PTPRT: variants seen among roughly 807,000 people sequenced by gnomAD.
PTPRT encodes protein tyrosine phosphatase receptor type T, also known as receptor-type tyrosine-protein phosphatase T.
A neutral mutation model predicts 176.8 loss-of-function variants in PTPRT; 56 were observed. That is an observed-to-expected ratio of 0.32 (90% CI 0.26 to 0.40). PTPRT has a LOEUF of 0.40. Ranked by LOEUF, PTPRT falls within the 10% of genes least tolerant of loss-of-function variation. PTPRT has a pLI of 1.00. For synonymous variants in PTPRT, 783 were observed against 739.0 expected, an observed-to-expected ratio of 1.06 and a Z score of -0.96; for missense variants, 1,540 against 1,908.2, an observed-to-expected ratio of 0.81 and a Z score of 3.60.
At chr20:42,628,656 C>T (rs779348293) in intron 7 of PTPRT, among the ~76,000 whole-genome samples, 5 of 152,018 alleles carry the variant, frequency 3.3e-5, no homozygotes, top group Non-Finnish European at 7.3e-5. Flanking sequence ...TTTAACAATA[C>T]CCTGGAAGTT....
Position 42,199,361 on chromosome 20 carries a change from G to A in PTPRT, c.2370C>T (p.Thr790=). ...YLKLAKKQKE[T]QSGAQREMGP... is the part of the protein sequence containing the mutation. ...CCATCTCCCTCTGGGCTCCACTCTG[G>A]GTCTCCTTCTGCTTCTTGGCCAGCT... Residue 790 remains threonine, a synonymous_variant, in exon 16 of 31, where the codon ACC becomes ACT. Coordinates refer to ENST00000373187, the MANE Select transcript of PTPRT (RefSeq NM_007050.6). 6.2e-7 allele frequency: 1 copy of A among 1,613,954 alleles called. No individual in the cohort carries two copies. Among genetic ancestry groups the A allele is most frequent in the East Asian group, 2.2e-5 (1 of 44,868 alleles).
intron 2 of PTPRT, among the ~76,000 whole-genome samples, chr20:42,869,202 A>T (rs552964970): frequency 6.6e-6 from 1 of 152,130 alleles, no homozygotes; most frequent in South Asian, 2.1e-4. Context: ...GAGAACCCCT[A>T]TTAGGGCAAT....
chr20:42,325,432 T>C (rs1243944817), intron 11 of PTPRT, among the ~76,000 whole-genome samples: 1 of 152,196 alleles, frequency 6.6e-6, no homozygotes, highest in Non-Finnish European at 1.5e-5. Flanking sequence ...AAAGGAATCA[T>C]GAAAATCCAG....
At chr20:43,144,526 T>C (rs2014110016) in intron 1 of PTPRT, among the ~76,000 whole-genome samples, 1 of 152,214 alleles carries the variant, frequency 6.6e-6, no homozygotes, top group Non-Finnish European at 1.5e-5. Flanking sequence ...TAACTAGTCT[T>C]ACTTCTACCA....
chr20:42,467,821 C>T (rs1013773724), intron 8 of PTPRT, among the ~76,000 whole-genome samples: 5 of 152,106 alleles, frequency 3.3e-5, no homozygotes, highest in Non-Finnish European at 7.4e-5. Context: ...ACTATTCTTT[C>T]GATTTTTCTA....
chr20:43,046,230 G>GACTAGAGCACCCAGACTAGA (rs1986832094), intron 1 of PTPRT, among the ~76,000 whole-genome samples: 1 of 152,114 alleles, frequency 6.6e-6, no homozygotes, highest in Non-Finnish European at 1.5e-5. Flanking sequence ...GAGGCACTCA[G>GACTAGAGCACCCAGACTAGA]GGACCCAGAC....
intron 1 of PTPRT, among the ~76,000 whole-genome samples, chr20:43,053,606 G>T (rs1323956388): frequency 6.6e-6 from 1 of 152,148 alleles, no homozygotes; most frequent in Non-Finnish European, 1.5e-5. Context: ...TCCTGCCTCT[G>T]TTTGTGCTCC....
chr20:42,343,688 G>C (rs553958472), intron 11 of PTPRT, among the ~76,000 whole-genome samples: 1 of 152,160 alleles, frequency 6.6e-6, no homozygotes, highest in Non-Finnish European at 1.5e-5. Flanking sequence ...AGGTAATGTT[G>C]TTTTGAAGAT....
chr20:43,045,315 G>A (rs1288825988), intron 1 of PTPRT, among the ~76,000 whole-genome samples: 1 of 152,142 alleles, frequency 6.6e-6, no homozygotes, highest in Non-Finnish European at 1.5e-5. Context: ...TACTGACACA[G>A]CCTCCATGGG....
intron 1 of PTPRT, among the ~76,000 whole-genome samples, chr20:42,920,586 G>A (rs1418787348): frequency 1.3e-5 from 2 of 151,218 alleles, no homozygotes; most frequent in African/African-American, 4.9e-5. Flanking sequence ...TTTCCAAGAG[G>A]AGAGGAAAAA....
intron 2 of PTPRT, among the ~76,000 whole-genome samples, chr20:42,847,162 A>G (rs536906673): frequency 6.6e-6 from 1 of 152,374 alleles, no homozygotes; most frequent in African/African-American, 2.4e-5. Flanking sequence ...ACAAAGGTAC[A>G]AAGCGGGCAA....
chr20:42,952,127 G>A (rs1981293244), intron 1 of PTPRT, among the ~76,000 whole-genome samples: 1 of 152,204 alleles, frequency 6.6e-6, no homozygotes, highest in African/African-American at 2.4e-5. Context: ...GCAGTGTCCA[G>A]CCTACTTCCT....
At chr20:42,388,632 G>A (rs1226216411) in intron 9 of PTPRT, among the ~76,000 whole-genome samples, 4 of 152,202 alleles carry the variant, frequency 2.6e-5, no homozygotes, top group African/African-American at 4.8e-5. Context: ...AACAACAGGT[G>A]CTGGAGAGGA....
intron 8 of PTPRT, among the ~76,000 whole-genome samples, chr20:42,452,720 A>G (rs2070853347): frequency 6.6e-6 from 1 of 152,212 alleles, no homozygotes; most frequent in South Asian, 2.1e-4. Flanking sequence ...GGTCTTTCCA[A>G]TCTGGGGAAA....
At chr20:42,999,924 G>A (rs777315831) in intron 1 of PTPRT, among the ~76,000 whole-genome samples, 7 of 151,886 alleles carry the variant, frequency 4.6e-5, no homozygotes, top group South Asian at 2.1e-4. Context: ...TGTGGGATGC[G>A]AAATAATTTA....
chr20:42,382,442 C>T lies in PTPRT; in HGVS notation c.1561-30157G>A, dbSNP rs923950523. Among the ~76,000 whole-genome samples, 5 of 152,326 alleles carry T rather than the reference C, an allele frequency of 3.3e-5. No homozygotes were observed. In the East Asian group the frequency reaches 5.8e-4, roughly 18 times the overall value. Reference sequence around the variant, plus strand: ...GCCTGGGTACACCATTGGCAGACTGCTTCCAGATCCCTGTACATCACTTGG... The same window carrying T: ...GCCTGGGTACACCATTGGCAGACTGTTTCCAGATCCCTGTACATCACTTGG... On this transcript the variant is annotated intron_variant, in intron 9 of 30. Coordinates refer to ENST00000373187, the MANE Select transcript of PTPRT (RefSeq NM_007050.6).
chr20:42,514,613 A>T (rs1332664501), intron 7 of PTPRT, among the ~76,000 whole-genome samples: 1 of 152,176 alleles, frequency 6.6e-6, no homozygotes, highest in Admixed American at 6.6e-5. Flanking sequence ...AACACATTTG[A>T]TTAACATTAC....
At chr20:42,289,085 T>A (rs892277921) in intron 12 of PTPRT, among the ~76,000 whole-genome samples, 1 of 152,014 alleles carries the variant, frequency 6.6e-6, no homozygotes, top group African/African-American at 2.4e-5. Context: ...TGCAGAAGAA[T>A]GAAACTGGAT....
intron 1 of PTPRT, among the ~76,000 whole-genome samples, chr20:43,136,647 G>C (rs1000243450): frequency 1.3e-5 from 2 of 151,970 alleles, no homozygotes; most frequent in Non-Finnish European, 2.9e-5. Context: ...CACACACACA[G>C]AGCACTCTGC....
Sources: allele counts gnomAD v4.1 joint callset (sites outside exome capture counted in the v4.1 genomes callset), GRCh38; gene constraint gnomAD v4.1.1; transcripts MANE v1.5; gene names NCBI Gene and HGNC (gene_info 2026-07-23, HGNC 2026-07-21).